The following SYCP2L variants were observed in gnomAD, a reference collection of about 807,000 sequenced individuals.
SYCP2L encodes the protein synaptonemal complex protein 2-like.
In SYCP2L, 98 loss-of-function variants were observed where a neutral mutation model predicts 125.8. That is an observed-to-expected ratio of 0.78 (90% confidence interval 0.66 to 0.92). The LOEUF (loss-of-function observed/expected upper bound fraction) is 0.92. Ranked by LOEUF, SYCP2L falls within the 40% of genes least tolerant of loss-of-function variation. The pLI is 0.00. For missense variants in SYCP2L, 842 were observed against 936.4 expected (o/e 0.90, Z 1.32); for synonymous variants, 317 against 325.4 (o/e 0.97, Z 0.28).
At chr6:10,958,588 A>G (rs917082648) in intron 25 of SYCP2L, among the ~76,000 whole-genome samples, 196 bp from the exon 26 acceptor site, 2 of 152,134 alleles carry the variant, frequency 1.3e-5, no homozygotes, top group African/African-American at 2.4e-5. Flanking sequence ...TTCTATTTCA[A>G]CTTGTTCTGT....
chr6:10,910,837 C>T lies in SYCP2L; in HGVS notation c.886C>T (p.Pro296Ser). ...LGDQRRVYSF[P>S]CIAAFADEHE... ...GGTATTTTGCAGGGTGTATTCATTT[C>T]CGTGTATTGCTGCTTTTGCTGATGA... Residue 296 changes from proline to serine, a missense_variant, in exon 12 of 30, where the codon CCG becomes TCG. Coordinates refer to ENST00000283141, the MANE Select transcript of SYCP2L (RefSeq NM_001040274.3). The T allele has an allele frequency of 6.2e-7, 1 of 1,613,720 alleles. No homozygotes were observed. The highest frequency in any genetic ancestry group is 8.5e-7 in the Non-Finnish European group (1 of 1,179,888).
At chr6:10,888,989 G>C (rs916942381) in intron 1 of SYCP2L, among the ~76,000 whole-genome samples, 14 of 152,190 alleles carry the variant, frequency 9.2e-5, no homozygotes, top group Middle Eastern at 3.4e-3. Context: ...AGCCTCACGA[G>C]TAGCTGGGTC....
rs752037381 is a variant in SYCP2L, at chr6:10,963,818, C to G, written c.*12C>G. 1.5e-5 allele frequency: 25 copies of G among 1,613,758 alleles called. No homozygotes were observed. The highest frequency in any genetic ancestry group is 2.0e-5 in the Non-Finnish European group (24 of 1,179,874). Reference sequence around the variant, plus strand: ...CTCAGACTTCATAAGAAAGCCAAAGCCTGGTTTTATGATTGCAGCCCTCAG... The same window carrying G: ...CTCAGACTTCATAAGAAAGCCAAAGGCTGGTTTTATGATTGCAGCCCTCAG... On this transcript the variant is annotated 3_prime_UTR_variant, in exon 29 of 30. Transcript: ENST00000283141.
At chr6:10,924,135 T>G (rs2113344915) in intron 14 of SYCP2L, among the ~76,000 whole-genome samples, 1 of 152,326 alleles carries the variant, frequency 6.6e-6, no homozygotes, top group East Asian at 1.9e-4. Flanking sequence ...GAGTGAATAT[T>G]GTGCATAGTA....
intron 23 of SYCP2L, among the ~76,000 whole-genome samples, chr6:10,943,849 A>G (rs1270083475): frequency 6.6e-6 from 1 of 152,136 alleles, no homozygotes; most frequent in African/African-American, 2.4e-5. Flanking sequence ...TTGCTCAATC[A>G]TTTGTGAGAT....
intron 21 of SYCP2L, among the ~76,000 whole-genome samples, chr6:10,935,967 A>C (rs1290593406): frequency 6.6e-6 from 1 of 152,102 alleles, no homozygotes. Flanking sequence ...CCCTTAACCT[A>C]TAGGCTTTTT....
chr6:10,911,366 A>G (rs1263544093), intron 12 of SYCP2L, among the ~76,000 whole-genome samples: 15 of 152,032 alleles, frequency 9.9e-5, no homozygotes, highest in Non-Finnish European at 2.2e-4. Context: ...AAGGTCCTTC[A>G]TATAAAAGGG....
intron 10 of SYCP2L, 22 bp from the exon 11 acceptor site, chr6:10,910,126 G>C: frequency 6.2e-7 from 1 of 1,607,036 alleles, no homozygotes; most frequent in Non-Finnish European, 8.5e-7. Context: ...TTTAATAAAA[G>C]TTTATATCAT....
chr6:10,942,536 T>C lies in SYCP2L; in HGVS notation c.1884+7T>C, dbSNP rs371064442. 1.2e-6 allele frequency: 2 copies of C among 1,601,948 alleles called. No homozygotes were observed. The highest frequency in any genetic ancestry group is 8.5e-7 in the Non-Finnish European group (1 of 1,174,666). On this transcript the variant is annotated splice_region_variant and intron_variant, in intron 22 of 29. Transcript: ENST00000283141. ...AGATGAAGAAAAACCTAAGGTACTA[T>C]TTAATTGTTGGTTATTCATCTGATT...
chr6:10,926,987 G>A (rs916629620), intron 16 of SYCP2L, among the ~76,000 whole-genome samples: 3 of 151,996 alleles, frequency 2.0e-5, no homozygotes, highest in African/African-American at 7.2e-5. Flanking sequence ...TGCCATGTTG[G>A]CCAGGCTGGT....
chr6:10,892,136 C>T (rs1196631823), intron 2 of SYCP2L, among the ~76,000 whole-genome samples: 1 of 152,082 alleles, frequency 6.6e-6, no homozygotes, highest in African/African-American at 2.4e-5. Flanking sequence ...GTGAAGTAGC[C>T]CAGGCCTAGA....
intron 21 of SYCP2L, among the ~76,000 whole-genome samples, chr6:10,940,614 G>A (rs1207753855): frequency 6.6e-6 from 1 of 152,016 alleles, no homozygotes; most frequent in African/African-American, 2.4e-5. Context: ...ACATATATAC[G>A]GAATGTAAAA....
rs1194259874 is a variant in SYCP2L, at chr6:10,893,773, A to T, written c.79-94A>T. The T allele has an allele frequency of 3.0e-6, 4 of 1,328,564 alleles. No individual in the cohort carries two copies. In the East Asian group the frequency reaches 9.7e-5, roughly 32 times the overall value. The allele number at this position is 1,328,564 out of a possible 1,614,324, so 82.3% of individuals were successfully genotyped here. On this transcript the variant is annotated intron_variant, in intron 2 of 29. Transcript: ENST00000283141. ...CTATATTTACCCTATATTATTTCACACTGAATTCTTATTGATAATGAGATC... is the reference window on the plus strand; with the variant it reads ...CTATATTTACCCTATATTATTTCACTCTGAATTCTTATTGATAATGAGATC...
intron 18 of SYCP2L, among the ~76,000 whole-genome samples, chr6:10,928,743 C>T (rs1197036916): frequency 6.6e-6 from 1 of 152,014 alleles, no homozygotes; most frequent in Non-Finnish European, 1.5e-5. Flanking sequence ...TCGCTCCATT[C>T]CCCAGGCTGG....
chr6:10,895,324 C>G (rs1325090404), intron 4 of SYCP2L, among the ~76,000 whole-genome samples: 1 of 152,182 alleles, frequency 6.6e-6, no homozygotes, highest in African/African-American at 2.4e-5. Flanking sequence ...CATGAGAGCA[C>G]ACCTGAACAA....
At chr6:10,890,453 T>A (rs1780153755) in intron 1 of SYCP2L, among the ~76,000 whole-genome samples, 1 of 152,216 alleles carries the variant, frequency 6.6e-6, no homozygotes, top group Non-Finnish European at 1.5e-5. Context: ...ATTAGTGATG[T>A]TGAGTATTTT....
chr6:10,911,945 A>G (rs1236178038), intron 12 of SYCP2L, among the ~76,000 whole-genome samples: 1 of 102,602 alleles, frequency 9.7e-6, no homozygotes, highest in African/African-American at 3.7e-5. Flanking sequence ...TCTGTTGCCC[A>G]GGCTGGAGTG....
chr6:10,914,627 T>G (rs1202671506), intron 14 of SYCP2L, among the ~76,000 whole-genome samples: 2 of 152,006 alleles, frequency 1.3e-5, no homozygotes, highest in Non-Finnish European at 2.9e-5. Flanking sequence ...TACCCATCCA[T>G]GAGCATGGGA....
At chr6:10,966,130 C>T (rs77713011) in intron 29 of SYCP2L, among the ~76,000 whole-genome samples, 8 of 127,190 alleles carry the variant, frequency 6.3e-5, no homozygotes, top group East Asian at 4.9e-4. Flanking sequence ...ATAATAATAA[C>T]AACAACAATA....
Sources: allele counts gnomAD v4.1 joint callset (sites outside exome capture counted in the v4.1 genomes callset), GRCh38; gene constraint gnomAD v4.1.1; transcripts MANE v1.5; gene names NCBI Gene and HGNC (gene_info 2026-07-23, HGNC 2026-07-21).